The following ADGRB3 variants were observed in gnomAD, a reference collection of about 807,000 sequenced individuals.
ADGRB3 encodes brain-specific angiogenesis inhibitor 3.
ADGRB3 carries 37 observed loss-of-function variants against 193.4 expected under a neutral mutation model. The ratio of observed to expected loss-of-function variants is 0.19; its 90% CI spans 0.15 to 0.25. The LOEUF is 0.25. Ranked by LOEUF, ADGRB3 falls within the 10% of genes least tolerant of loss-of-function variation. The pLI, the probability that ADGRB3 is intolerant of heterozygous loss-of-function variation, is 1.00. For missense variants in ADGRB3, 1,637 were observed against 1,852.9 expected (o/e 0.88, Z 2.14); for synonymous variants, 690 against 644.2 (o/e 1.07, Z -1.08).
intron 20 of ADGRB3, among the ~76,000 whole-genome samples, chr6:69,255,198 G>A (rs1372618780): frequency 6.6e-6 from 1 of 152,084 alleles, no homozygotes; most frequent in Non-Finnish European, 1.5e-5. Context: ...AGCAGCATGA[G>A]TTAGAGTCCT....
At chr6:69,148,482 A>G (rs1388979932) in intron 17 of ADGRB3, among the ~76,000 whole-genome samples, 1 of 152,024 alleles carries the variant, frequency 6.6e-6, no homozygotes, top group African/African-American at 2.4e-5. Context: ...CATTTCTATC[A>G]TATTGTACTG....
chr6:68,941,992 A>G (rs1489977613), intron 5 of ADGRB3, among the ~76,000 whole-genome samples: 1 of 151,348 alleles, frequency 6.6e-6, no homozygotes, highest in Non-Finnish European at 1.5e-5. Flanking sequence ...GAAAAAAGTA[A>G]AACATCATAT....
At chr6:69,010,244 C>T (rs1412131548) in intron 11 of ADGRB3, among the ~76,000 whole-genome samples, 3 of 152,020 alleles carry the variant, frequency 2.0e-5, no homozygotes, top group Non-Finnish European at 4.4e-5. Flanking sequence ...CCCTCTCCCA[C>T]CAGAGCACAT....
intron 30 of ADGRB3, among the ~76,000 whole-genome samples, chr6:69,378,512 G>C (rs1293759387): frequency 6.6e-6 from 1 of 151,946 alleles, no homozygotes; most frequent in Non-Finnish European, 1.5e-5. Context: ...TTACCTCCCA[G>C]GGTTATTGTG....
chr6:69,349,877 G>A lies in ADGRB3; in HGVS notation c.3460-4356G>A, dbSNP rs935214406. The stretch of plus-strand genomic sequence containing the variant: ...TGCTCAGTAGCTAAATACAGAGCCC[G>A]TTTCAAACTGTGGAGCTCTTTCCTG... On this transcript the variant is annotated intron_variant, in intron 26 of 31. Transcript: ENST00000370598. 4.6e-5 allele frequency among the ~76,000 whole-genome samples: 7 copies of A among 152,172 alleles called. No individual in the cohort carries two copies. The South Asian group carries it at 6.2e-4, about 13-fold the overall frequency.
intron 3 of ADGRB3, among the ~76,000 whole-genome samples, chr6:68,759,504 G>C (rs1766354742): frequency 6.6e-6 from 1 of 151,612 alleles, no homozygotes; most frequent in South Asian, 2.1e-4. Flanking sequence ...TCCTATCTTG[G>C]TCTCTTTATT....
chr6:69,151,319 A>C (rs1258789601), intron 17 of ADGRB3, among the ~76,000 whole-genome samples: 1 of 152,168 alleles, frequency 6.6e-6, no homozygotes, highest in East Asian at 1.9e-4. Flanking sequence ...GGCCAGTGCT[A>C]ATCTCAATGT....
At chr6:68,953,315 A>G (rs1384242856) in intron 6 of ADGRB3, among the ~76,000 whole-genome samples, 1 of 152,200 alleles carries the variant, frequency 6.6e-6, no homozygotes, top group Non-Finnish European at 1.5e-5. Flanking sequence ...AGATTAGCTT[A>G]GCAGCACCTA....
At chr6:69,060,277 C>A (rs1771709132) in intron 15 of ADGRB3, among the ~76,000 whole-genome samples, 1 of 135,292 alleles carries the variant, frequency 7.4e-6, no homozygotes, top group Non-Finnish European at 1.6e-5. Flanking sequence ...TCTCTCTCAG[C>A]AAAAGCCATA....
intron 3 of ADGRB3, among the ~76,000 whole-genome samples, chr6:68,744,457 A>G (rs1016365549): frequency 2.0e-5 from 3 of 152,154 alleles, no homozygotes; most frequent in African/African-American, 7.2e-5. Flanking sequence ...TTGCAGCACT[A>G]TTTACAATAG....
intron 16 of ADGRB3, among the ~76,000 whole-genome samples, chr6:69,069,116 A>G (rs1487399654): frequency 1.3e-5 from 2 of 152,196 alleles, no homozygotes; most frequent in Non-Finnish European, 2.9e-5. Flanking sequence ...CATAAGACCC[A>G]GACTTAGCTC....
chr6:68,857,283 G>T (rs925053186), intron 3 of ADGRB3, among the ~76,000 whole-genome samples: 1 of 152,198 alleles, frequency 6.6e-6, no homozygotes, highest in South Asian at 2.1e-4. Flanking sequence ...CCCCTGAATG[G>T]TAGATCCACT....
chr6:69,219,818 A>G (rs1324352531), intron 17 of ADGRB3, among the ~76,000 whole-genome samples: 1 of 151,866 alleles, frequency 6.6e-6, no homozygotes, highest in Non-Finnish European at 1.5e-5. Flanking sequence ...ATTCCCTTAC[A>G]TTTTACATCC....
At chr6:68,689,970 A>G (rs940433571) in intron 3 of ADGRB3, among the ~76,000 whole-genome samples, 8 of 152,158 alleles carry the variant, frequency 5.3e-5, no homozygotes, top group African/African-American at 1.2e-4. Context: ...TCCTGCATCA[A>G]TAACTTCCTG....
chr6:69,242,697 C>T (rs1366583252), intron 20 of ADGRB3, among the ~76,000 whole-genome samples: 1 of 151,810 alleles, frequency 6.6e-6, no homozygotes, highest in East Asian at 1.9e-4. Flanking sequence ...AGTAAGGAAC[C>T]AAGTGCATTT....
intron 13 of ADGRB3, among the ~76,000 whole-genome samples, chr6:69,028,709 CT>C (rs1770515895): frequency 6.6e-6 from 1 of 152,280 alleles, no homozygotes; most frequent in African/African-American, 2.4e-5. Flanking sequence ...TGTCAATACT[CT>C]TTCTTGTTGT....
intron 3 of ADGRB3, among the ~76,000 whole-genome samples, chr6:68,734,799 G>T (rs1354936356): frequency 2.0e-5 from 3 of 152,010 alleles, no homozygotes; most frequent in Admixed American, 6.6e-5. Context: ...ACTCTTGAAA[G>T]AGTTTAAAGG....
Position 69,160,002 on chromosome 6 carries a change from T to C in ADGRB3, c.2481-73288T>C, listed in dbSNP as rs1395011278. Among the ~76,000 whole-genome samples the C allele has an allele frequency of 3.9e-5, 6 of 152,276 alleles. 1 individual carries two copies. The highest frequency in any genetic ancestry group is 9.6e-5 in the African/African-American group (4 of 41,574). ...TACTATCAGCTCTGCCTTCAAGATGTATCCAGAATTTAATCCCTTCTTAAT... is the reference window on the plus strand; with the variant it reads ...TACTATCAGCTCTGCCTTCAAGATGCATCCAGAATTTAATCCCTTCTTAAT... On this transcript the variant is annotated intron_variant, in intron 17 of 31. Coordinates refer to ENST00000370598, the MANE Select transcript of ADGRB3 (RefSeq NM_001704.3).
At chr6:69,312,168 A>G (rs1003362992) in intron 20 of ADGRB3, among the ~76,000 whole-genome samples, 2 of 151,722 alleles carry the variant, frequency 1.3e-5, no homozygotes, top group African/African-American at 2.4e-5. Context: ...GATGGCACCA[A>G]CTAGGATCAT....
Sources: gnomAD v4.1 joint callset for allele counts (sites outside exome capture counted in the v4.1 genomes callset) on GRCh38, gnomAD v4.1.1 for gene constraint, MANE v1.5 for transcripts, NCBI Gene and HGNC (gene_info 2026-07-23, HGNC 2026-07-21) for gene names.